MCAM: variants seen among roughly 807,000 people sequenced by gnomAD.
MCAM encodes cell surface glycoprotein MUC18.
Under a neutral mutation model 79.1 loss-of-function variants are expected in MCAM, and 55 were observed. The observed-to-expected ratio is 0.70, with a 90% CI of 0.56 to 0.87. MCAM has a LOEUF of 0.87. Ranked by LOEUF, MCAM falls within the 40% of genes least tolerant of loss-of-function variation. The pLI is 0.00. For synonymous variants in MCAM, 330 were observed against 339.8 expected, an observed-to-expected ratio of 0.97 and a Z score of 0.32; for missense variants, 745 against 839.8, an observed-to-expected ratio of 0.89 and a Z score of 1.40.
chr11:119,316,918 G>A lies in MCAM; in HGVS notation c.67+117C>T. ...CGCCCGGGGATCGGGGACCCAGGGA[G>A]GAGGCTCGTCCTCCCAGACGCAACG... On this transcript the variant is annotated intron_variant, in intron 1 of 15. Coordinates refer to ENST00000264036, the MANE Select transcript of MCAM (RefSeq NM_006500.3). This position sits in a 1 kb window ranked among gnomAD's most constrained non-coding sequence, Gnocchi z 4.8. 2 of 831,884 alleles carry A rather than the reference G, an allele frequency of 2.4e-6. No individual in the cohort carries two copies. Among genetic ancestry groups the A allele is most frequent in the East Asian group, 3.3e-5 (1 of 30,138 alleles). The allele number at this position is 831,884 out of a possible 1,614,324, so 51.5% of individuals were successfully genotyped here.
intron 14 of MCAM, 122 bp from the exon 15 acceptor site, chr11:119,310,588 G>A (rs1950217264): frequency 9.4e-7 from 1 of 1,061,632 alleles, no homozygotes; most frequent in African/African-American, 1.6e-5. Flanking sequence ...GGGCAGGGAA[G>A]CAGGTCATGA....
In MCAM at chr11:119,316,802, G is replaced by T. The variant is rs1950315357; in HGVS notation, c.67+233C>A. The T allele has an allele frequency of 3.9e-6, 2 of 509,964 alleles. No homozygotes were observed. The highest frequency in any genetic ancestry group is 7.4e-5 in the East Asian group (2 of 27,028). The allele number at this position is 509,964 out of a possible 1,614,324, so 31.6% of individuals were successfully genotyped here. On this transcript the variant is annotated intron_variant, in intron 1 of 15. Coordinates refer to ENST00000264036, the MANE Select transcript of MCAM (RefSeq NM_006500.3). The surrounding 1 kb of genome is among the most constrained non-coding windows in gnomAD (Gnocchi z 4.8). ...CCACCCCTTCTCGTTCCCAGAAGCA[G>T]CCTCCTCCCCGCCTTCCGAGTGCTG...
In MCAM at chr11:119,312,513, C is replaced by G; in HGVS notation, c.861+14G>C. On this transcript the variant is annotated intron_variant, in intron 7 of 15. Transcript: ENST00000264036. The surrounding 1 kb of genome is among the most constrained non-coding windows in gnomAD (Gnocchi z 4.9). Reference sequence around the variant, plus strand: ...CTTGCATCCCCACCTGCACCCAGCACAAAGCCCCCACACCTGCTTGCTGAT... The same window carrying G: ...CTTGCATCCCCACCTGCACCCAGCAGAAAGCCCCCACACCTGCTTGCTGAT... 6.2e-7 allele frequency: 1 copy of G among 1,614,098 alleles called. No individual in the cohort carries two copies. The highest frequency in any genetic ancestry group is 1.6e-4 in the Middle Eastern group (1 of 6,062).
Position 119,316,937 on chromosome 11 carries a change from C to A in MCAM, c.67+98G>T, listed in dbSNP as rs1950316818. ...CAGGGAGGAGGCTCGTCCTCCCAGA[C>A]GCAACGCCCCGACCCCGCCGCGCCG... On this transcript the variant is annotated intron_variant, in intron 1 of 15. Coordinates refer to ENST00000264036, the MANE Select transcript of MCAM (RefSeq NM_006500.3). This position sits in a 1 kb window ranked among gnomAD's most constrained non-coding sequence, Gnocchi z 4.8. The A allele has an allele frequency of 9.2e-7, 1 of 1,084,588 alleles. No individual in the cohort carries two copies. Among genetic ancestry groups the A allele is most frequent in the Non-Finnish European group, 1.3e-6 (1 of 774,406 alleles). The allele number at this position is 1,084,588 out of a possible 1,614,324, so 67.2% of individuals were successfully genotyped here.
chr11:119,310,950 C>A (rs775938630), intron 13 of MCAM, 47 bp from the exon 14 acceptor site: 2 of 1,613,858 alleles, frequency 1.2e-6, no homozygotes, highest in Admixed American at 3.3e-5. Flanking sequence ...CAGGCCACTT[C>A]GTCACCATCG....
In MCAM at chr11:119,313,824, CA is replaced by C. The variant is rs543030887; in HGVS notation, c.559+664del. The C allele has an allele frequency of 1.9e-4, 90 of 468,588 alleles. 1 individual carries two copies. In the South Asian group the frequency reaches 6.4e-3, roughly 33 times the overall value. The allele number at this position is 468,588 out of a possible 1,614,324, so 29.0% of individuals were successfully genotyped here. The stretch of plus-strand genomic sequence containing the variant: ...TAGCACCCCCTCTATGTGTGACAAC[CA>C]AAAATATCTCCAGACATTGCCAAGT... On this transcript the variant is annotated intron_variant, in intron 5 of 15. Coordinates refer to ENST00000264036, the MANE Select transcript of MCAM (RefSeq NM_006500.3).
intron 13 of MCAM, 90 bp from the exon 14 acceptor site, chr11:119,310,993 G>A (rs555148857): frequency 1.2e-6 from 2 of 1,613,706 alleles, no homozygotes; most frequent in South Asian, 2.2e-5. Flanking sequence ...GACAAGATGG[G>A]GCTGCTACTC....
At position 119,317,004 on chromosome 11, in the gene MCAM, C is replaced by A; in HGVS notation, c.67+31G>T. 6.6e-7 allele frequency: 1 copy of A among 1,519,358 alleles called. No individual in the cohort carries two copies. Among genetic ancestry groups the A allele is most frequent in the South Asian group, 1.2e-5 (1 of 83,050 alleles). 94.1% of individuals were successfully genotyped at this position (1,519,358 alleles called of 1,614,324 possible). On this transcript the variant is annotated intron_variant, in intron 1 of 15. Coordinates refer to ENST00000264036, the MANE Select transcript of MCAM (RefSeq NM_006500.3). The surrounding 1 kb of genome is among the most constrained non-coding windows in gnomAD (Gnocchi z 6.2). ...GCACGCTCCACCGCAGACCCCTAGC[C>A]GGGGCGCGGCCCCCCTGCGAGCGAA...
intron 5 of MCAM, 162 bp from the exon 6 acceptor site, chr11:119,313,111 T>C (rs558346209): frequency 1.3e-6 from 2 of 1,536,172 alleles, no homozygotes; most frequent in African/African-American, 1.4e-5. Flanking sequence ...CCCAGCACTT[T>C]TACTGCTCAG....
intron 5 of MCAM, chr11:119,314,115 A>G (rs1444085435): frequency 2.5e-6 from 2 of 813,324 alleles, no homozygotes; most frequent in Non-Finnish European, 3.0e-6. Flanking sequence ...TTTAAGTTAA[A>G]AGCTTAATGA....
intron 5 of MCAM, 75 bp downstream of exon 5, chr11:119,314,414 C>G (rs754710683): frequency 2.8e-5 from 39 of 1,379,240 alleles, no homozygotes; most frequent in Non-Finnish European, 3.7e-5. Context: ...CCTTGGCCTC[C>G]CAAAGCACCG....
At position 119,316,945 on chromosome 11, in the gene MCAM, C is replaced by A; in HGVS notation, c.67+90G>T. The A allele has an allele frequency of 1.6e-6, 2 of 1,216,614 alleles. No individual in the cohort carries two copies. The highest frequency in any genetic ancestry group is 1.1e-6 in the Non-Finnish European group (1 of 886,326). 75.4% of individuals were successfully genotyped at this position (1,216,614 alleles called of 1,614,324 possible). The stretch of plus-strand genomic sequence containing the variant: ...AGGCTCGTCCTCCCAGACGCAACGC[C>A]CCGACCCCGCCGCGCCGCTGGCTCT... On this transcript the variant is annotated intron_variant, in intron 1 of 15. Transcript: ENST00000264036. The surrounding 1 kb of genome is among the most constrained non-coding windows in gnomAD (Gnocchi z 4.8).
Position 119,309,044 on chromosome 11 carries a change from T to C in MCAM, c.*842A>G, listed in dbSNP as rs527535606. 6.6e-6 allele frequency: 1 copy of C among 152,352 alleles called. No individual in the cohort carries two copies. The highest frequency in any genetic ancestry group is 1.5e-5 in the Non-Finnish European group (1 of 68,058). 9.4% of individuals were successfully genotyped at this position (152,352 alleles called of 1,614,324 possible). On this transcript the variant is annotated 3_prime_UTR_variant, in exon 16 of 16. Coordinates refer to ENST00000264036, the MANE Select transcript of MCAM (RefSeq NM_006500.3). The stretch of plus-strand genomic sequence containing the variant: ...TGGAGTGCAGTGGCACGGTCTCGGC[T>C]CACTGCAAGCTCCACCTCCTGGATT...
chr11:119,310,590 AG>A (rs770629124), intron 14 of MCAM, 124 bp from the exon 15 acceptor site: 573 of 1,050,986 alleles, frequency 5.5e-4, no homozygotes, highest in Non-Finnish European at 7.5e-4. Flanking sequence ...GCAGGGAAGC[AG>A]GTCATGAGAC....
rs536264277 is a variant in MCAM, at chr11:119,309,272, C to G, written c.*614G>C. The G allele has an allele frequency of 6.5e-6, 1 of 153,026 alleles. No homozygotes were observed. Among genetic ancestry groups the G allele is most frequent in the African/African-American group, 2.4e-5 (1 of 41,428 alleles). 9.5% of individuals were successfully genotyped at this position (153,026 alleles called of 1,614,324 possible). A position where few individuals can be genotyped will look rare whatever the true frequency, so the allele number is the denominator to read the frequency against. On this transcript the variant is annotated 3_prime_UTR_variant, in exon 16 of 16. Coordinates refer to ENST00000264036, the MANE Select transcript of MCAM (RefSeq NM_006500.3). The stretch of plus-strand genomic sequence containing the variant: ...AGGCGTGAGCCACCACACCTGGCCC[C>G]GGCACGTATCTTTTAAGGAATGACA...
In MCAM at chr11:119,315,453, C is replaced by T; in HGVS notation, c.68-190G>A. The T allele has an allele frequency of 1.5e-6, 1 of 646,016 alleles. No homozygotes were observed. The highest frequency in any genetic ancestry group is 1.9e-5 in the South Asian group (1 of 51,974). The allele number at this position is 646,016 out of a possible 1,614,324, so 40.0% of individuals were successfully genotyped here. A position where few individuals can be genotyped will look rare whatever the true frequency, so the allele number is the denominator to read the frequency against. The stretch of plus-strand genomic sequence containing the variant: ...CCAGCCCTCTCCCCGTCCAGGAGAT[C>T]CCAGGTCCTTGGAGCCAAGCAGAGA... On this transcript the variant is annotated intron_variant, in intron 1 of 15. Coordinates refer to ENST00000264036, the MANE Select transcript of MCAM (RefSeq NM_006500.3). The surrounding 1 kb of genome is among the most constrained non-coding windows in gnomAD (Gnocchi z 4.4).
rs766519797 is a variant in MCAM, at chr11:119,312,866, C to A, written c.643G>T (p.Glu215Ter). ...QSILKAQLVK[E>*]DKDAQFYCEL... ...CAGTAAAACTGGGCATCTTTGTCTT[C>A]TTTAACCAGCTGTGCCTTCAGAATA... Residue 215 changes from glutamate to a stop codon, truncating the protein, a stop_gained, in exon 6 of 16, where the codon GAA (glutamate) becomes TAA (stop). Transcript: ENST00000264036. LOFTEE classifies it high-confidence loss of function. This position sits in a 1 kb window ranked among gnomAD's most constrained non-coding sequence, Gnocchi z 4.9. 4 of 1,614,206 alleles carry A rather than the reference C, an allele frequency of 2.5e-6. No individual in the cohort carries two copies. In the South Asian group the frequency reaches 4.4e-5, roughly 18 times the overall value.
chr11:119,313,284 A>T (rs1021405714), intron 5 of MCAM: 13 of 1,350,370 alleles, frequency 9.6e-6, no homozygotes, highest in African/African-American at 1.5e-5. Flanking sequence ...CAGTAAGCAA[A>T]ACGATCAGTT....
chr11:119,314,424 G>C (rs1047915361), intron 5 of MCAM, 65 bp downstream of exon 5: 1 of 1,445,006 alleles, frequency 6.9e-7, no homozygotes, highest in Non-Finnish European at 9.7e-7. Flanking sequence ...CCAAAGCACC[G>C]AGATTACAGG....
Sources: allele counts gnomAD v4.1 joint callset, GRCh38; gene constraint gnomAD v4.1.1; non-coding constraint Gnocchi (gnomAD v3.1); transcripts MANE v1.5; gene names NCBI Gene and HGNC (gene_info 2026-07-23, HGNC 2026-07-21).